Variants in LHFPL3 observed in about 807,000 individuals in gnomAD.
The protein encoded by LHFPL3 is LHFPL tetraspan subfamily member 3.
In LHFPL3, 5 loss-of-function variants were observed where a neutral mutation model predicts 19.3. That is an observed-to-expected ratio of 0.26 (90% CI 0.14 to 0.54). LHFPL3 has a LOEUF of 0.54. LHFPL3 is among the 20% of genes least tolerant of loss of function. LHFPL3 has a pLI of 0.94. For synonymous variants in LHFPL3, 133 were observed against 126.2 expected, an observed-to-expected ratio of 1.05 and a Z score of -0.36; for missense variants, 249 against 307.4, an observed-to-expected ratio of 0.81 and a Z score of 1.42.
At chr7:104,487,523 C>T (rs188278609) in intron 1 of LHFPL3, among the ~76,000 whole-genome samples, 127 of 152,270 alleles carry the variant, frequency 8.3e-4, no homozygotes, top group African/African-American at 2.9e-3. Flanking sequence ...ACCTAACGTG[C>T]ACATCTTTGG....
At chr7:104,777,331 T>C (rs1794651623) in intron 2 of LHFPL3, among the ~76,000 whole-genome samples, 1 of 152,214 alleles carries the variant, frequency 6.6e-6, no homozygotes, top group Non-Finnish European at 1.5e-5. Context: ...CTTGTTGTTT[T>C]ACTTCCCAGG....
intron 1 of LHFPL3, among the ~76,000 whole-genome samples, chr7:104,525,204 C>T (rs925853303): frequency 5.3e-5 from 8 of 152,196 alleles, no homozygotes; most frequent in Non-Finnish European, 1.2e-4. Flanking sequence ...TTCAAATCAT[C>T]TGAAGAGAAA....
At chr7:104,365,622 A>C (rs975576565) in intron 1 of LHFPL3, among the ~76,000 whole-genome samples, 3 of 149,370 alleles carry the variant, frequency 2.0e-5, no homozygotes, top group Admixed American at 1.3e-4. Flanking sequence ...TCTACTAAAA[A>C]TACAAAAAAT....
chr7:104,445,356 C>T (rs1792311055), intron 1 of LHFPL3, among the ~76,000 whole-genome samples: 1 of 152,204 alleles, frequency 6.6e-6, no homozygotes, highest in South Asian at 2.1e-4. Flanking sequence ...TCCCTTCTTA[C>T]TACTTGTATC....
At chr7:104,348,060 G>A (rs970145362) in intron 1 of LHFPL3, among the ~76,000 whole-genome samples, 11 of 152,148 alleles carry the variant, frequency 7.2e-5, no homozygotes, top group Admixed American at 1.3e-4. Flanking sequence ...ATGGGAGATC[G>A]TATCATTTCT....
intron 2 of LHFPL3, among the ~76,000 whole-genome samples, chr7:104,886,047 C>T (rs1161086731): frequency 6.6e-6 from 1 of 152,098 alleles, no homozygotes; most frequent in Non-Finnish European, 1.5e-5. Context: ...GGCTTCTCAC[C>T]CCAATTTATT....
At chr7:104,526,186 G>C (rs1332888697) in intron 1 of LHFPL3, among the ~76,000 whole-genome samples, 1 of 152,162 alleles carries the variant, frequency 6.6e-6, no homozygotes, top group Non-Finnish European at 1.5e-5. Context: ...TGAAAATTCA[G>C]ATTTGCAGGA....
Position 104,387,124 on chromosome 7 carries a change from G to A in LHFPL3, c.445+57900G>A, listed in dbSNP as rs1462040847. 2.6e-5 allele frequency among the ~76,000 whole-genome samples: 4 copies of A among 152,104 alleles called. No individual in the cohort carries two copies. The East Asian group carries it at 7.7e-4, about 29-fold the overall frequency. On this transcript the variant is annotated intron_variant, in intron 1 of 2. Coordinates refer to ENST00000424859, the MANE Select transcript of LHFPL3 (RefSeq NM_199000.3). ...AGGAAACCATGTCTAAAGAAATGAA[G>A]AGAAATATAAAAATGATGTCTCAGC...
At chr7:104,355,707 C>G (rs1790260149) in intron 1 of LHFPL3, among the ~76,000 whole-genome samples, 1 of 152,142 alleles carries the variant, frequency 6.6e-6, no homozygotes, top group African/African-American at 2.4e-5. Context: ...GTAGCTCCCC[C>G]AAAAAGCCTT....
At chr7:104,763,887 T>C (rs1353783090) in intron 2 of LHFPL3, among the ~76,000 whole-genome samples, 1 of 152,230 alleles carries the variant, frequency 6.6e-6, no homozygotes. Flanking sequence ...CTGCTTAAAC[T>C]AGCTAAAGTA....
At chr7:104,668,003 C>T (rs1333234315) in intron 1 of LHFPL3, 3 of 1,613,490 alleles carry the variant, frequency 1.9e-6, no homozygotes, top group Non-Finnish European at 2.5e-6. Context: ...AACCCAATAT[C>T]GACCGGAGCC....
chr7:104,724,522 G>A (rs1000846337), intron 1 of LHFPL3, among the ~76,000 whole-genome samples: 4 of 152,036 alleles, frequency 2.6e-5, no homozygotes, highest in African/African-American at 9.7e-5. Flanking sequence ...AATTAGAAAG[G>A]GATAAAGTCT....
chr7:104,359,645 C>A (rs1254774924), intron 1 of LHFPL3, among the ~76,000 whole-genome samples: 1 of 152,190 alleles, frequency 6.6e-6, no homozygotes, highest in Admixed American at 6.5e-5. Context: ...AAGAATTCTA[C>A]CCAATTCTGT....
intron 1 of LHFPL3, among the ~76,000 whole-genome samples, chr7:104,420,336 AG>A (rs1444259181): frequency 6.6e-6 from 1 of 152,230 alleles, no homozygotes; most frequent in African/African-American, 2.4e-5. Flanking sequence ...ACCAGGACAT[AG>A]AACAGCTATG....
chr7:104,858,166 A>T (rs539526354), intron 2 of LHFPL3, among the ~76,000 whole-genome samples: 2 of 152,312 alleles, frequency 1.3e-5, no homozygotes, highest in South Asian at 4.1e-4. Context: ...TGTGGGAGCC[A>T]CAGGCTGTGG....
intron 1 of LHFPL3, among the ~76,000 whole-genome samples, chr7:104,519,854 T>G (rs1289202389): frequency 6.6e-6 from 1 of 152,046 alleles, no homozygotes; most frequent in Non-Finnish European, 1.5e-5. Context: ...GAATACCATG[T>G]TTACAAATGA....
chr7:104,335,314 G>C (rs1287266470), intron 1 of LHFPL3, among the ~76,000 whole-genome samples: 1 of 152,174 alleles, frequency 6.6e-6, no homozygotes, highest in Non-Finnish European at 1.5e-5. Context: ...CCCATGTGTA[G>C]AGGAAAGGAT....
intron 1 of LHFPL3, among the ~76,000 whole-genome samples, chr7:104,341,064 T>G (rs1789936012): frequency 6.6e-6 from 1 of 152,210 alleles, no homozygotes; most frequent in African/African-American, 2.4e-5. Flanking sequence ...AAAGCAAAAT[T>G]GAATATTCTC....
chr7:104,875,296 T>C (rs1468986922), intron 2 of LHFPL3, among the ~76,000 whole-genome samples: 1 of 152,160 alleles, frequency 6.6e-6, no homozygotes, highest in Non-Finnish European at 1.5e-5. Context: ...TCCATGTTCC[T>C]TTCTTTGACT....
Sources: gnomAD v4.1 joint callset for allele counts (sites outside exome capture counted in the v4.1 genomes callset) on GRCh38, gnomAD v4.1.1 for gene constraint, MANE v1.5 for transcripts, NCBI Gene and HGNC (gene_info 2026-07-23, HGNC 2026-07-21) for gene names.